Variants in PDGFB observed in about 807,000 individuals in gnomAD.
The protein encoded by PDGFB is platelet-derived growth factor subunit B.
PDGFB carries 6 observed loss-of-function variants against 29.0 expected under a neutral mutation model. The ratio of observed to expected loss-of-function variants is 0.21; its 90% CI spans 0.11 to 0.41. The LOEUF is 0.41. Ranked by LOEUF, PDGFB falls within the 10% of genes least tolerant of loss-of-function variation. PDGFB has a pLI of 1.00. For missense variants in PDGFB, 299 were observed against 341.8 expected (o/e 0.87, Z 0.99); for synonymous variants, 144 against 140.8 (o/e 1.02, Z -0.16).
rs1338090865 is a variant in PDGFB, at chr22:39,242,068, GC to G, written c.63+1832del. On this transcript the variant is annotated intron_variant, in intron 1 of 6. Coordinates refer to ENST00000331163, the MANE Select transcript of PDGFB (RefSeq NM_002608.4). This position sits in a 1 kb window ranked among gnomAD's most constrained non-coding sequence, Gnocchi z 5.7. ...AGCACCAGGCGCTGGGTGCACGGGG[GC>G]CCGTGCGTGCCTGTGTACGTGCGTG... The G allele has an allele frequency of 2.2e-5, 5 of 230,638 alleles. No individual in the cohort carries two copies. The highest frequency in any genetic ancestry group is 3.4e-5 in the Non-Finnish European group (4 of 116,410). The allele number at this position is 230,638 out of a possible 1,614,324, so 14.3% of individuals were successfully genotyped here.
Position 39,223,741 on chromosome 22 carries a change from AT to A in PDGFB, c.*1600del, listed in dbSNP as rs1418965484. ...AACTTTAAATACGGAATATAAATAAATTTTACATTTAAAAAATAAAAGGAAA... is the reference window on the plus strand; with the variant it reads ...AACTTTAAATACGGAATATAAATAAATTTACATTTAAAAAATAAAAGGAAA... On this transcript the variant is annotated 3_prime_UTR_variant, in exon 7 of 7. Coordinates refer to ENST00000331163, the MANE Select transcript of PDGFB (RefSeq NM_002608.4). 3 of 152,636 alleles carry A rather than the reference AT, an allele frequency of 2.0e-5. No homozygotes were observed. Among genetic ancestry groups the A allele is most frequent in the Non-Finnish European group, 2.9e-5 (2 of 68,038 alleles). 9.5% of individuals were successfully genotyped at this position (152,636 alleles called of 1,614,324 possible).
intron 5 of PDGFB, among the ~76,000 whole-genome samples, chr22:39,229,495 C>G (rs745327684): frequency 1.7e-4 from 26 of 152,208 alleles, no homozygotes; most frequent in Non-Finnish European, 3.4e-4. Flanking sequence ...TTCCCCCGCT[C>G]AAGGATACGA....
At chr22:39,230,531 C>A (rs533144231) in intron 4 of PDGFB, among the ~76,000 whole-genome samples, 76 of 152,362 alleles carry the variant, frequency 5.0e-4, no homozygotes, top group African/African-American at 1.7e-3. Flanking sequence ...TCCTCATTCC[C>A]GGAGCGCCAG....
At chr22:39,237,989 A>T (rs62231485) in intron 1 of PDGFB, among the ~76,000 whole-genome samples, 56 of 152,214 alleles carry the variant, frequency 3.7e-4, no homozygotes, top group Non-Finnish European at 6.8e-4. Context: ...CCCCCAGGGG[A>T]GGGGCCCAAA....
At position 39,231,929 on chromosome 22, in the gene PDGFB, G is replaced by A. The variant is rs962826218; in HGVS notation, c.251-102C>T. 5 of 935,972 alleles carry A rather than the reference G, an allele frequency of 5.3e-6. No individual in the cohort carries two copies. The highest frequency in any genetic ancestry group is 3.3e-5 in the African/African-American group (2 of 60,920). The allele number at this position is 935,972 out of a possible 1,614,324, so 58.0% of individuals were successfully genotyped here. Reference sequence around the variant, plus strand: ...TGCCTCCGGGACTGCTCTTTCTCACGCCCTTCAACCCCAGGGTTCAGGTTT... The same window carrying A: ...TGCCTCCGGGACTGCTCTTTCTCACACCCTTCAACCCCAGGGTTCAGGTTT... On this transcript the variant is annotated intron_variant, in intron 3 of 6. Coordinates refer to ENST00000331163, the MANE Select transcript of PDGFB (RefSeq NM_002608.4). This position sits in a 1 kb window ranked among gnomAD's most constrained non-coding sequence, Gnocchi z 4.3.
At chr22:39,233,948 G>A (rs957038270) in intron 2 of PDGFB, among the ~76,000 whole-genome samples, 12 of 144,716 alleles carry the variant, frequency 8.3e-5, no homozygotes, top group Non-Finnish European at 1.4e-4. Flanking sequence ...CAGGGGGACC[G>A]CATGCCCTGA....
rs1022233700 is a variant in PDGFB at position 39,231,280 on chromosome 22, T to A, written c.456+342A>T. Reference sequence around the variant, plus strand: ...TGAGTGTCAGATAAATGTTTGCGGATACGGCTCTTCAAGGGACGTTTTGCG... The same window carrying A: ...TGAGTGTCAGATAAATGTTTGCGGAAACGGCTCTTCAAGGGACGTTTTGCG... On this transcript the variant is annotated intron_variant, in intron 4 of 6. Transcript: ENST00000331163. This position sits in a 1 kb window ranked among gnomAD's most constrained non-coding sequence, Gnocchi z 4.3. Among the ~76,000 whole-genome samples the A allele has an allele frequency of 2.6e-5, 4 of 152,240 alleles. No homozygotes were observed. Among genetic ancestry groups the A allele is most frequent in the Non-Finnish European group, 1.5e-5 (1 of 68,038 alleles).
At chr22:39,235,953 T>G in intron 1 of PDGFB, 79 bp from the exon 2 acceptor site, 1 of 929,612 alleles carries the variant, frequency 1.1e-6, no homozygotes. Flanking sequence ...ACCACACGCT[T>G]TCTCGCTTTC....
rs564635815 is a variant in PDGFB at position 39,231,227 on chromosome 22, G to A, written c.456+395C>T. Reference sequence around the variant, plus strand: ...AGCCCTGAATAGGGAGAGCTTTGGGGGAACCTGAGTAGCTCCCCAAAACAT... The same window carrying A: ...AGCCCTGAATAGGGAGAGCTTTGGGAGAACCTGAGTAGCTCCCCAAAACAT... On this transcript the variant is annotated intron_variant, in intron 4 of 6. Coordinates refer to ENST00000331163, the MANE Select transcript of PDGFB (RefSeq NM_002608.4). The surrounding 1 kb of genome is among the most constrained non-coding windows in gnomAD (Gnocchi z 4.3). 2.0e-5 allele frequency among the ~76,000 whole-genome samples: 3 copies of A among 152,260 alleles called. No individual in the cohort carries two copies. Among genetic ancestry groups the A allele is most frequent in the Non-Finnish European group, 4.4e-5 (3 of 68,042 alleles).
Position 39,243,885 on chromosome 22 carries a change from C to T in PDGFB, c.63+16G>A. Reference sequence around the variant, plus strand: ...TAATGAATGAAGAACCAGCCCCAGCCGCCGTGGCAACTCACCTCGGCGCTG... The same window carrying T: ...TAATGAATGAAGAACCAGCCCCAGCTGCCGTGGCAACTCACCTCGGCGCTG... On this transcript the variant is annotated intron_variant, in intron 1 of 6. Coordinates refer to ENST00000331163, the MANE Select transcript of PDGFB (RefSeq NM_002608.4). The surrounding 1 kb of genome is among the most constrained non-coding windows in gnomAD (Gnocchi z 6.4). 1 of 1,593,102 alleles carries T rather than the reference C, an allele frequency of 6.3e-7. No individual in the cohort carries two copies. Among genetic ancestry groups the T allele is most frequent in the East Asian group, 2.3e-5 (1 of 43,428 alleles).
Position 39,235,813 on chromosome 22 carries a change from T to C in PDGFB, c.125A>G (p.Asp42Gly). ...MLSDHSIRSF[D>G]DLQRLLHGDP... Reference sequence around the variant, plus strand: ...TCCGTGCAGCAGGCGTTGGAGATCATCAAAGGAGCGGATCGAGTGGTCACT... The same window carrying C: ...TCCGTGCAGCAGGCGTTGGAGATCACCAAAGGAGCGGATCGAGTGGTCACT... Residue 42 changes from aspartate (D) to glycine (G), a missense_variant, in exon 2 of 7, where the codon GAT becomes GGT. Physicochemically the swap from Asp to Gly is moderately conservative, Grantham distance 94. Transcript: ENST00000331163. The C allele has an allele frequency of 6.2e-7, 1 of 1,614,008 alleles. No individual in the cohort carries two copies. Among genetic ancestry groups the C allele is most frequent in the Non-Finnish European group, 8.5e-7 (1 of 1,179,948 alleles).
intron 1 of PDGFB, among the ~76,000 whole-genome samples, chr22:39,237,182 T>C (rs949334582): frequency 2.6e-5 from 4 of 151,358 alleles, no homozygotes; most frequent in Non-Finnish European, 5.9e-5. Flanking sequence ...CAGGGGGCTC[T>C]CCCCGAAAGC....
chr22:39,233,065 C>A (rs1186240897), intron 3 of PDGFB, among the ~76,000 whole-genome samples: 1 of 152,156 alleles, frequency 6.6e-6, no homozygotes, highest in Non-Finnish European at 1.5e-5. Flanking sequence ...GTGAGGGGAG[C>A]AGGTTGGGAT....
At chr22:39,236,694 C>G (rs1172912579) in intron 1 of PDGFB, among the ~76,000 whole-genome samples, 2 of 152,232 alleles carry the variant, frequency 1.3e-5, no homozygotes, top group African/African-American at 2.4e-5. Context: ...CCACGTCCCC[C>G]ACAGTCCCAG....
At chr22:39,233,228 C>T (rs1932353095) in intron 3 of PDGFB, among the ~76,000 whole-genome samples, 1 of 152,128 alleles carries the variant, frequency 6.6e-6, no homozygotes, top group South Asian at 2.1e-4. Flanking sequence ...ATTTAGAAAC[C>T]AGAGAGTGTG....
At chr22:39,225,937 C>G in intron 5 of PDGFB, 90 bp from the exon 6 acceptor site, 1 of 1,453,900 alleles carries the variant, frequency 6.9e-7, no homozygotes, top group South Asian at 1.4e-5. Flanking sequence ...ACCTTCTGGG[C>G]TCAGGAAAGG....
chr22:39,236,775 TCCAGACCAC>T (rs1932453743), intron 1 of PDGFB, among the ~76,000 whole-genome samples: 1 of 151,994 alleles, frequency 6.6e-6, no homozygotes, highest in Non-Finnish European at 1.5e-5. Context: ...AGAATCACAA[TCCAGACCAC>T]CAGCCACTGA....
chr22:39,223,865 G>A lies in PDGFB; in HGVS notation c.*1477C>T, dbSNP rs1601593649. The A allele has an allele frequency of 2.0e-5, 3 of 152,522 alleles. No homozygotes were observed. The highest frequency in any genetic ancestry group is 1.3e-4 in the Admixed American group (2 of 15,306). The allele number at this position is 152,522 out of a possible 1,614,324, so 9.4% of individuals were successfully genotyped here. On this transcript the variant is annotated 3_prime_UTR_variant, in exon 7 of 7. Coordinates refer to ENST00000331163, the MANE Select transcript of PDGFB (RefSeq NM_002608.4). The stretch of plus-strand genomic sequence containing the variant: ...GCAGTAGGTGGGAAGGGAGGTGGGA[G>A]CTCAGATCCCACCCCAGGGGGTCTT...
chr22:39,225,940 A>T, intron 5 of PDGFB, 93 bp from the exon 6 acceptor site: 2 of 1,439,416 alleles, frequency 1.4e-6, no homozygotes, highest in Non-Finnish European at 1.9e-6. Flanking sequence ...TTCTGGGCTC[A>T]GGAAAGGGAC....
Sources: allele counts gnomAD v4.1 joint callset (sites outside exome capture counted in the v4.1 genomes callset), GRCh38; gene constraint gnomAD v4.1.1; non-coding constraint Gnocchi (gnomAD v3.1); transcripts MANE v1.5; gene names NCBI Gene and HGNC (gene_info 2026-07-23, HGNC 2026-07-21).